Variants in CA10 observed in about 807,000 individuals in gnomAD.
CA10 encodes the protein carbonic anhydrase 10 (inactive).
A neutral mutation model predicts 44.2 loss-of-function variants in CA10; 14 were observed. The ratio of observed to expected loss-of-function variants is 0.32; its 90% CI spans 0.21 to 0.50. CA10 has a LOEUF of 0.50. Ranked by LOEUF, CA10 falls within the 20% of genes least tolerant of loss-of-function variation. The probability of loss-of-function intolerance (pLI) is 0.99; values close to 1 mark genes in which losing one functional copy is unlikely to be tolerated. For missense variants in CA10, 350 were observed against 409.7 expected (o/e 0.85, Z 1.26); for synonymous variants, 159 against 141.6 (o/e 1.12, Z -0.87).
intron 1 of CA10, among the ~76,000 whole-genome samples, chr17:52,127,260 A>G (rs1433294207): frequency 6.6e-6 from 1 of 152,208 alleles, no homozygotes; most frequent in Non-Finnish European, 1.5e-5. Context: ...TGGAGACTTT[A>G]CCATGTGGGG....
At chr17:51,854,481 G>T (rs1978947483) in intron 3 of CA10, among the ~76,000 whole-genome samples, 1 of 152,210 alleles carries the variant, frequency 6.6e-6, no homozygotes, top group Non-Finnish European at 1.5e-5. Flanking sequence ...GGCATGAGTA[G>T]TTTTCAGGGA....
chr17:52,147,191 GAAT>G (rs1322769517), intron 1 of CA10, among the ~76,000 whole-genome samples: 7 of 151,956 alleles, frequency 4.6e-5, no homozygotes, highest in Non-Finnish European at 1.0e-4. Flanking sequence ...GGTCTATGGG[GAAT>G]AATTTTTTTC....
chr17:51,815,159 T>C (rs948117084), intron 3 of CA10, among the ~76,000 whole-genome samples: 4 of 151,854 alleles, frequency 2.6e-5, no homozygotes, highest in Admixed American at 6.6e-5. Context: ...TTTTTGGCTG[T>C]CACCCCAGGT....
intron 2 of CA10, among the ~76,000 whole-genome samples, chr17:51,941,637 T>C (rs902975310): frequency 1.3e-5 from 2 of 152,290 alleles, no homozygotes; most frequent in African/African-American, 4.8e-5. Flanking sequence ...TTGATGTTTA[T>C]ACAAAAGCTG....
rs140641711 is a variant in CA10 at position 51,729,753 on chromosome 17, C to T, written c.465+17880G>A. Among the ~76,000 whole-genome samples the T allele has an allele frequency of 1.3e-3, 205 of 152,326 alleles. 1 individual carries two copies. The highest frequency in any genetic ancestry group is 4.6e-3 in the African/African-American group (191 of 41,570). On this transcript the variant is annotated intron_variant, in intron 4 of 8. Transcript: ENST00000451037. ...GTTATATGATATCATATAGTTTCTA[C>T]TAAACCTCATACATCTCTGCTTTCT...
intron 2 of CA10, among the ~76,000 whole-genome samples, chr17:52,055,223 A>C (rs1987192343): frequency 6.6e-6 from 1 of 152,058 alleles, no homozygotes; most frequent in African/African-American, 2.4e-5. Context: ...TAAGGAAAGA[A>C]GGTAATTTTG....
intron 3 of CA10, among the ~76,000 whole-genome samples, chr17:51,783,483 C>T (rs541603920): frequency 9.8e-5 from 15 of 152,330 alleles, no homozygotes; most frequent in South Asian, 4.1e-4. Context: ...AAGGTCAAGT[C>T]GCTTTCCCAT....
intron 3 of CA10, among the ~76,000 whole-genome samples, chr17:51,927,516 A>C (rs1239679797): frequency 6.6e-6 from 1 of 152,148 alleles, no homozygotes; most frequent in Non-Finnish European, 1.5e-5. Context: ...AAATATCTAT[A>C]TTCCAAAATA....
chr17:51,846,995 T>C (rs1018296355), intron 3 of CA10, among the ~76,000 whole-genome samples: 1 of 152,148 alleles, frequency 6.6e-6, no homozygotes, highest in African/African-American at 2.4e-5. Context: ...GGTAGGCAGA[T>C]CAGTATGATG....
chr17:51,977,366 C>T (rs1002398099), intron 2 of CA10, among the ~76,000 whole-genome samples: 8 of 151,522 alleles, frequency 5.3e-5, no homozygotes, highest in Middle Eastern at 3.2e-3. Context: ...GAATTTAGTA[C>T]AGGAATTCAA....
intron 3 of CA10, among the ~76,000 whole-genome samples, chr17:51,927,109 C>G (rs1040847197): frequency 9.2e-5 from 14 of 152,236 alleles, no homozygotes; most frequent in African/African-American, 2.9e-4. Context: ...TTTGTCGTGT[C>G]ATCAACTACC....
chr17:51,656,486 G>A (rs1050233378), intron 4 of CA10, among the ~76,000 whole-genome samples: 1 of 152,196 alleles, frequency 6.6e-6, no homozygotes, highest in Non-Finnish European at 1.5e-5. Context: ...AGGAGCTTTG[G>A]TTTCTATTAG....
chr17:51,734,921 G>A (rs1916848931), intron 4 of CA10, among the ~76,000 whole-genome samples: 1 of 152,162 alleles, frequency 6.6e-6, no homozygotes, highest in Non-Finnish European at 1.5e-5. Context: ...TCCTCTGGAG[G>A]GGAGGAATGC....
At chr17:51,706,608 T>C (rs946225386) in intron 4 of CA10, among the ~76,000 whole-genome samples, 2 of 152,176 alleles carry the variant, frequency 1.3e-5, no homozygotes, top group Admixed American at 6.5e-5. Flanking sequence ...AAAAACCTGC[T>C]AAAAGCTAAA....
intron 3 of CA10, among the ~76,000 whole-genome samples, chr17:51,900,639 C>T (rs1023437041): frequency 2.6e-5 from 4 of 152,146 alleles, no homozygotes; most frequent in Non-Finnish European, 4.4e-5. Flanking sequence ...CTTGCCTTCT[C>T]GCTCTCTCTT....
At position 51,831,730 on chromosome 17, in the gene CA10, CAGA is replaced by C. The variant is rs1254847261; in HGVS notation, c.280-83915_280-83913del. Among the ~76,000 whole-genome samples, 145 of 146,272 alleles carry C rather than the reference CAGA, an allele frequency of 9.9e-4. 10 individuals carry two copies. The highest frequency in any genetic ancestry group is 1.4e-3 in the East Asian group (7 of 4,868). On this transcript the variant is annotated intron_variant, in intron 3 of 8. Transcript: ENST00000451037. ...GCAGCAGCAGCAGCAGCAGCAGCAG[CAGA>C]AAAAGACCTTCCTTCCACCTTATTT...
At chr17:51,779,912 G>A (rs957260708) in intron 3 of CA10, among the ~76,000 whole-genome samples, 11 of 152,186 alleles carry the variant, frequency 7.2e-5, no homozygotes, top group South Asian at 2.1e-4. Flanking sequence ...GCACCTCAGC[G>A]ACATCAGCCA....
chr17:51,631,410 T>C lies in CA10; in HGVS notation c.*174A>G, dbSNP rs767138931. On this transcript the variant is annotated 3_prime_UTR_variant, in exon 9 of 9. Coordinates refer to ENST00000451037, the MANE Select transcript of CA10 (RefSeq NM_020178.5). ...TGTGTTTGTGAGTATGTGTGAGAGA[T>C]GTATTCCTCTGCCATGGTTTTGCAG... The C allele has an allele frequency of 4.3e-6, 3 of 695,090 alleles. No homozygotes were observed. In the East Asian group the frequency reaches 7.5e-5, roughly 17 times the overall value. 43.1% of individuals were successfully genotyped at this position (695,090 alleles called of 1,614,324 possible). A position where few individuals can be genotyped will look rare whatever the true frequency, so the allele number is the denominator to read the frequency against.
At chr17:52,126,832 T>A (rs1431001726) in intron 1 of CA10, among the ~76,000 whole-genome samples, 2 of 152,202 alleles carry the variant, frequency 1.3e-5, no homozygotes, top group Non-Finnish European at 2.9e-5. Context: ...TTTATGTAGC[T>A]TTATAAAGGA....
Sources: allele counts gnomAD v4.1 joint callset (sites outside exome capture counted in the v4.1 genomes callset), GRCh38; gene constraint gnomAD v4.1.1; transcripts MANE v1.5; gene names NCBI Gene and HGNC (gene_info 2026-07-23, HGNC 2026-07-21).